Variants in SLC7A1 observed in about 807,000 individuals in gnomAD.
The protein encoded by SLC7A1 is high affinity cationic amino acid transporter 1.
Under a neutral mutation model 53.9 loss-of-function variants are expected in SLC7A1, and 10 were observed. That is an observed-to-expected ratio of 0.19 (90% confidence interval 0.11 to 0.31). The LOEUF is 0.31. Ranked by LOEUF, SLC7A1 falls within the 10% of genes least tolerant of loss-of-function variation. The probability of loss-of-function intolerance (pLI) is 1.00; values close to 1 mark genes in which losing one functional copy is unlikely to be tolerated. For synonymous variants in SLC7A1, 342 were observed against 338.7 expected, an observed-to-expected ratio of 1.01 and a Z score of -0.11; for missense variants, 525 against 827.2, an observed-to-expected ratio of 0.63 and a Z score of 4.48.
chr13:29,523,385 G>C lies in SLC7A1; in HGVS notation c.930C>G (p.Leu310=), dbSNP rs1286010591. 2 of 1,613,726 alleles carry C rather than the reference G, an allele frequency of 1.2e-6. No individual in the cohort carries two copies. The highest frequency in any genetic ancestry group is 1.7e-6 in the Non-Finnish European group (2 of 1,180,032). ...TGTCCAGGCAGAAGTAGGGCATCAT[G>C]AGCGTGAGGGCAGCCGACACCCCAA... ...AYFGVSAALT[L]MMPYFCLDNN... is the part of the protein sequence containing the mutation. Residue 310 remains leucine (L), a synonymous_variant, in exon 7 of 13, where the codon CTC becomes CTG. Coordinates refer to ENST00000380752, the MANE Select transcript of SLC7A1 (RefSeq NM_003045.5).
rs1883333818 is a variant in SLC7A1, at chr13:29,509,493, T to A, written c.*4987A>T. ...AAGAGTTTGATTTTACAACATAAAG[T>A]ATGGTAGGAAGTGGTCAATGTACAC... On this transcript the variant is annotated 3_prime_UTR_variant, in exon 13 of 13. Coordinates refer to ENST00000380752, the MANE Select transcript of SLC7A1 (RefSeq NM_003045.5). 6.6e-6 allele frequency: 1 copy of A among 152,466 alleles called. No homozygotes were observed. The highest frequency in any genetic ancestry group is 2.4e-5 in the African/African-American group (1 of 41,364). The allele number at this position is 152,466 out of a possible 1,614,324, so 9.4% of individuals were successfully genotyped here. A position where few individuals can be genotyped will look rare whatever the true frequency, so the allele number is the denominator to read the frequency against.
At chr13:29,537,653 T>C (rs879574450) in intron 2 of SLC7A1, among the ~76,000 whole-genome samples, 2 of 152,230 alleles carry the variant, frequency 1.3e-5, no homozygotes, top group Non-Finnish European at 2.9e-5. Flanking sequence ...ATGCAAGCTC[T>C]GTACTCTTCA....
chr13:29,569,243 C>CGGGCT (rs1365998566), intron 1 of SLC7A1, among the ~76,000 whole-genome samples: 1 of 152,118 alleles, frequency 6.6e-6, no homozygotes, highest in Non-Finnish European at 1.5e-5. Flanking sequence ...ACCCTCTCTG[C>CGGGCT]GGGCTGTCTC....
intron 1 of SLC7A1, among the ~76,000 whole-genome samples, chr13:29,560,010 C>T (rs183699243): frequency 6.6e-6 from 1 of 151,532 alleles, no homozygotes; most frequent in African/African-American, 2.5e-5. Flanking sequence ...CCATTGCACC[C>T]GGACCTTTTT....
In SLC7A1 at chr13:29,511,288, G is replaced by A. The variant is rs539348665; in HGVS notation, c.*3192C>T. ...TGCTAGAGTCAGCACAAGGGACCAG[G>A]TGGCTGGCTGCCTGAGAGAGAAAAT... On this transcript the variant is annotated 3_prime_UTR_variant, in exon 13 of 13. Transcript: ENST00000380752. The A allele has an allele frequency of 6.6e-6, 1 of 152,408 alleles. No individual in the cohort carries two copies. Among genetic ancestry groups the A allele is most frequent in the East Asian group, 1.9e-4 (1 of 5,192 alleles). The allele number at this position is 152,408 out of a possible 1,614,324, so 9.4% of individuals were successfully genotyped here.
intron 3 of SLC7A1, among the ~76,000 whole-genome samples, chr13:29,534,208 G>A (rs1298825608): frequency 1.3e-5 from 2 of 152,122 alleles, no homozygotes; most frequent in Non-Finnish European, 2.9e-5. Context: ...AATGTTTGCT[G>A]GAAAAACTGC....
chr13:29,523,681 A>G (rs1868743456), intron 6 of SLC7A1, among the ~76,000 whole-genome samples, 193 bp from the exon 7 acceptor site: 2 of 152,208 alleles, frequency 1.3e-5, no homozygotes, highest in Admixed American at 1.3e-4. Flanking sequence ...AGGAAGACAC[A>G]TCAGACAGCC....
At chr13:29,547,952 TGTAA>T (rs1404831443) in intron 2 of SLC7A1, among the ~76,000 whole-genome samples, 1 of 152,218 alleles carries the variant, frequency 6.6e-6, no homozygotes, top group Admixed American at 6.5e-5. Context: ...CCCAAAATGC[TGTAA>T]GTGACAGCCA....
At chr13:29,593,891 T>C (rs959043727) in intron 1 of SLC7A1, among the ~76,000 whole-genome samples, 1 of 152,240 alleles carries the variant, frequency 6.6e-6, no homozygotes, top group Admixed American at 6.5e-5. Context: ...CAAAACTCCT[T>C]TGACATCCTT....
intron 2 of SLC7A1, among the ~76,000 whole-genome samples, chr13:29,542,391 G>T (rs1869705224): frequency 1.3e-5 from 2 of 152,150 alleles, no homozygotes; most frequent in Non-Finnish European, 2.9e-5. Context: ...GAAGGCAGAG[G>T]TTACAGTGAG....
chr13:29,539,057 T>C (rs1869548656), intron 2 of SLC7A1, among the ~76,000 whole-genome samples: 2 of 152,180 alleles, frequency 1.3e-5, no homozygotes, highest in Non-Finnish European at 2.9e-5. Context: ...AGCTACTCAA[T>C]AGCATTTTCT....
intron 1 of SLC7A1, among the ~76,000 whole-genome samples, chr13:29,584,119 C>CT (rs71192612): frequency 0.48 from 69,832 of 146,952 alleles, 19,618 homozygotes; most frequent in Non-Finnish European, 0.64. Flanking sequence ...CTTTTTTTTT[C>CT]TTTTTTTTTT....
intron 5 of SLC7A1, among the ~76,000 whole-genome samples, chr13:29,525,280 G>C (rs1323627382): frequency 6.6e-6 from 1 of 152,248 alleles, no homozygotes; most frequent in Middle Eastern, 3.2e-3. Context: ...GCCAGCCCCA[G>C]GGCCGCAGGC....
In SLC7A1 at chr13:29,514,297, G is replaced by A. The variant is rs1456966744; in HGVS notation, c.*183C>T. 6 of 594,030 alleles carry A rather than the reference G, an allele frequency of 1.0e-5. No individual in the cohort carries two copies. Among genetic ancestry groups the A allele is most frequent in the Middle Eastern group, 4.5e-4 (1 of 2,236 alleles). The allele number at this position is 594,030 out of a possible 1,614,324, so 36.8% of individuals were successfully genotyped here. On this transcript the variant is annotated 3_prime_UTR_variant, in exon 13 of 13. Coordinates refer to ENST00000380752, the MANE Select transcript of SLC7A1 (RefSeq NM_003045.5). ...AGCTGTCTGGAGGTGACCAGGGCCC[G>A]GAGAACCGGCTGCAGAGCCGAGGGT...
At chr13:29,590,175 A>T (rs1002705591) in intron 1 of SLC7A1, among the ~76,000 whole-genome samples, 3 of 152,100 alleles carry the variant, frequency 2.0e-5, no homozygotes, top group Non-Finnish European at 4.4e-5. Flanking sequence ...GGTGTCGCCC[A>T]CCACCCCTGT....
At chr13:29,573,174 T>C (rs1834811447) in intron 1 of SLC7A1, among the ~76,000 whole-genome samples, 1 of 152,212 alleles carries the variant, frequency 6.6e-6, no homozygotes, top group Admixed American at 6.5e-5. Context: ...ATGACATATA[T>C]CTGATAAAAT....
At chr13:29,522,631 A>G (rs375159124) in intron 7 of SLC7A1, among the ~76,000 whole-genome samples, 175 bp from the exon 8 acceptor site, 1 of 152,238 alleles carries the variant, frequency 6.6e-6, no homozygotes, top group East Asian at 1.9e-4. Context: ...TAATAAATCA[A>G]TCCCAGAAAG....
At chr13:29,570,067 C>G (rs1004358765) in intron 1 of SLC7A1, among the ~76,000 whole-genome samples, 6 of 152,224 alleles carry the variant, frequency 3.9e-5, no homozygotes, top group Non-Finnish European at 8.8e-5. Context: ...AATCACATTA[C>G]CTGGGTGGGC....
chr13:29,514,444 G>C lies in SLC7A1; in HGVS notation c.*36C>G. The C allele has an allele frequency of 6.5e-7, 1 of 1,540,274 alleles. No homozygotes were observed. The highest frequency in any genetic ancestry group is 8.9e-7 in the Non-Finnish European group (1 of 1,124,908). On this transcript the variant is annotated 3_prime_UTR_variant, in exon 13 of 13. Transcript: ENST00000380752. The stretch of plus-strand genomic sequence containing the variant: ...TCCCGGTCCTCTGGGGGCGTCCCTC[G>C]GGGCTGCTGCCACCTCCGGGGGGCG...
Sources: allele counts gnomAD v4.1 joint callset (sites outside exome capture counted in the v4.1 genomes callset), GRCh38; gene constraint gnomAD v4.1.1; transcripts MANE v1.5; gene names NCBI Gene and HGNC (gene_info 2026-07-23, HGNC 2026-07-21).